Variants in NEDD9 observed in about 807,000 individuals in gnomAD.
NEDD9 encodes neural precursor cell expressed, developmentally down-regulated 9, also known as enhancer of filamentation 1.
In NEDD9, 26 loss-of-function variants were observed where a neutral mutation model predicts 76.6. That is an observed-to-expected ratio of 0.34 (90% CI 0.25 to 0.47). The LOEUF is 0.47. NEDD9 is among the 20% of genes least tolerant of loss of function. The pLI is 1.00. For missense variants in NEDD9, 937 were observed against 1,058.5 expected (o/e 0.89, Z 1.59); for synonymous variants, 392 against 414.2 (o/e 0.95, Z 0.65).
At chr6:11,277,527 G>A (rs932309) in intron 3 of NEDD9, among the ~76,000 whole-genome samples, 59,442 of 151,982 alleles carry the variant, frequency 0.39, 13,339 homozygotes, top group African/African-American at 0.64. Context: ...TGGGCAGGGG[G>A]TGGAAAAGAG....
intron 1 of NEDD9, among the ~76,000 whole-genome samples, chr6:11,350,756 C>T (rs529844209): frequency 7.9e-5 from 12 of 152,212 alleles, no homozygotes; most frequent in East Asian, 7.7e-4. Context: ...AAGGCCCTGC[C>T]GCTGACCTCA....
chr6:11,198,105 A>G lies in NEDD9; in HGVS notation c.460-4413T>C, dbSNP rs1278535620. ...CGGGGAGACAGAACTCCTTCTACCG[A>G]AAGAGGGAAGACATTGCGCCCTGTG... On this transcript the variant is annotated intron_variant, in intron 2 of 6. Coordinates refer to ENST00000379446, the MANE Select transcript of NEDD9 (RefSeq NM_006403.4). This position sits in a 1 kb window ranked among gnomAD's most constrained non-coding sequence, Gnocchi z 4.7. Among the ~76,000 whole-genome samples, 1 of 152,212 alleles carries G rather than the reference A, an allele frequency of 6.6e-6. No individual in the cohort carries two copies. The highest frequency in any genetic ancestry group is 1.9e-4 in the East Asian group (1 of 5,200).
At chr6:11,327,562 A>T (rs1761953046) in intron 2 of NEDD9, among the ~76,000 whole-genome samples, 1 of 152,196 alleles carries the variant, frequency 6.6e-6, no homozygotes, top group Admixed American at 6.5e-5. Context: ...ACGTTACTCG[A>T]TGATCTGTTG....
chr6:11,375,847 C>G (rs551013509), intron 1 of NEDD9, among the ~76,000 whole-genome samples: 1 of 152,134 alleles, frequency 6.6e-6, no homozygotes, highest in African/African-American at 2.4e-5. Flanking sequence ...TTTTTTGAGA[C>G]GGAGTCTCAC....
chr6:11,262,369 A>C (rs1760130931), intron 3 of NEDD9, among the ~76,000 whole-genome samples: 1 of 152,216 alleles, frequency 6.6e-6, no homozygotes, highest in Non-Finnish European at 1.5e-5. Context: ...GCCTAGCTGA[A>C]CATTTGCTCT....
chr6:11,342,509 T>C (rs1762293621), intron 1 of NEDD9, among the ~76,000 whole-genome samples: 1 of 152,122 alleles, frequency 6.6e-6, no homozygotes, highest in Non-Finnish European at 1.5e-5. Context: ...TAGAAGACAA[T>C]GAAACAACAT....
At chr6:11,232,696 T>C, upstream of NEDD9, 1 of 1,452,466 alleles carries the variant, frequency 6.9e-7, no homozygotes, top group Non-Finnish European at 9.1e-7. Context: ...TGAGGCAGGC[T>C]GATCGCGGAC....
intron 2 of NEDD9, among the ~76,000 whole-genome samples, chr6:11,314,691 C>T (rs1761493553): frequency 6.6e-6 from 1 of 152,260 alleles, no homozygotes; most frequent in Non-Finnish European, 1.5e-5. Flanking sequence ...GTTTTCCAAA[C>T]TTCTGTAACT....
At chr6:11,279,979 C>T (rs1392050985) in intron 3 of NEDD9, among the ~76,000 whole-genome samples, 1 of 152,166 alleles carries the variant, frequency 6.6e-6, no homozygotes, top group Non-Finnish European at 1.5e-5. Flanking sequence ...CAGCCTTGTC[C>T]AGGCTCAGCT....
In NEDD9 at chr6:11,185,276, G is replaced by A. The variant is rs77602464; in HGVS notation, c.2391C>T (p.Ala797=). 5 of 1,613,986 alleles carry A rather than the reference G, an allele frequency of 3.1e-6. No homozygotes were observed. The highest frequency in any genetic ancestry group is 1.7e-5 in the Admixed American group (1 of 59,980). Residue 797 remains alanine (A), a synonymous_variant, in exon 7 of 7, where the codon GCC becomes GCT. Coordinates refer to ENST00000379446, the MANE Select transcript of NEDD9 (RefSeq NM_006403.4). ...CCGTGGTGCTGGGGTAATGGAGGGC[G>A]GCCATCTTGGTTGCCATGACTATGG... is the stretch of plus-strand genomic sequence containing the variant. ...LKTIVMATKM[A]ALHYPSTTAL... is the part of the protein sequence containing the mutation.
chr6:11,242,042 T>A (rs2113291326), intron 3 of NEDD9, among the ~76,000 whole-genome samples: 1 of 152,310 alleles, frequency 6.6e-6, no homozygotes, highest in African/African-American at 2.4e-5. Context: ...ATCAGCAATC[T>A]TTTATTTTGT....
chr6:11,262,618 T>C (rs1760135430), intron 3 of NEDD9, among the ~76,000 whole-genome samples: 1 of 152,242 alleles, frequency 6.6e-6, no homozygotes, highest in South Asian at 2.1e-4. Context: ...CATTTCCAAT[T>C]TGGCTTCCCT....
intron 1 of NEDD9, among the ~76,000 whole-genome samples, chr6:11,223,660 CT>C (rs1465257741): frequency 6.6e-6 from 1 of 152,174 alleles, no homozygotes; most frequent in Non-Finnish European, 1.5e-5. Context: ...GATTCAGGTG[CT>C]GCGGGCTATG....
chr6:11,262,539 T>C (rs1439044454), intron 3 of NEDD9, among the ~76,000 whole-genome samples: 1 of 152,200 alleles, frequency 6.6e-6, no homozygotes, highest in African/African-American at 2.4e-5. Flanking sequence ...GAAGCAAGTT[T>C]AGGAATTTAT....
chr6:11,378,348 A>C (rs1312957172), intron 1 of NEDD9, among the ~76,000 whole-genome samples: 1 of 152,158 alleles, frequency 6.6e-6, no homozygotes. Flanking sequence ...CCATGACTGT[A>C]AGCTTCCAGA....
chr6:11,299,894 G>T (rs1760996975), intron 3 of NEDD9, among the ~76,000 whole-genome samples: 3 of 152,186 alleles, frequency 2.0e-5, no homozygotes, highest in Non-Finnish European at 4.4e-5. Context: ...AAACCACAAA[G>T]ATGGGGAGAA....
chr6:11,291,754 A>G (rs544334437), intron 3 of NEDD9, among the ~76,000 whole-genome samples: 94 of 152,332 alleles, frequency 6.2e-4, no homozygotes, highest in African/African-American at 2.2e-3. Context: ...TTACAGCACC[A>G]TGGTCAAAAC....
chr6:11,347,565 C>A (rs1365070809), intron 1 of NEDD9, among the ~76,000 whole-genome samples: 1 of 152,180 alleles, frequency 6.6e-6, no homozygotes, highest in African/African-American at 2.4e-5. Flanking sequence ...TACTAGCAAA[C>A]CTTTCCAGCA....
upstream of NEDD9, chr6:11,232,704 GA>G (rs544188545): frequency 5.5e-4 from 798 of 1,440,822 alleles, 6 homozygotes; most frequent in African/African-American, 8.9e-3. Context: ...GCTGATCGCG[GA>G]CCTCATTTGC....
Sources: allele counts gnomAD v4.1 joint callset (sites outside exome capture counted in the v4.1 genomes callset), GRCh38; gene constraint gnomAD v4.1.1; non-coding constraint Gnocchi (gnomAD v3.1); transcripts MANE v1.5; gene names NCBI Gene and HGNC (gene_info 2026-07-23, HGNC 2026-07-21).